The following PHLDB2 variants were observed in gnomAD, a reference collection of about 807,000 sequenced individuals.
PHLDB2 encodes the protein pleckstrin homology-like domain family B member 2.
Under a neutral mutation model 123.6 loss-of-function variants are expected in PHLDB2, and 71 were observed. That is an observed-to-expected ratio of 0.57 (90% CI 0.47 to 0.70). PHLDB2 has a LOEUF of 0.70. Ranked by LOEUF, PHLDB2 falls within the 30% of genes least tolerant of loss-of-function variation. The pLI is 0.00. For synonymous variants in PHLDB2, 547 were observed against 541.6 expected (o/e 1.01, Z -0.14); for missense variants, 1,446 against 1,519.5 (o/e 0.95, Z 0.80).
intron 1 of PHLDB2, among the ~76,000 whole-genome samples, chr3:111,876,815 G>A (rs2065648947): frequency 6.6e-6 from 1 of 152,104 alleles, no homozygotes; most frequent in Non-Finnish European, 1.5e-5. Context: ...GTGAGAACAT[G>A]CCGTGTTTGG....
At chr3:111,790,740 C>A (rs539875957) in intron 1 of PHLDB2, among the ~76,000 whole-genome samples, 1 of 152,278 alleles carries the variant, frequency 6.6e-6, no homozygotes, top group East Asian at 1.9e-4. Flanking sequence ...CCAACCTAAA[C>A]AGTGTTCTGG....
intron 2 of PHLDB2, among the ~76,000 whole-genome samples, chr3:111,847,037 G>A (rs1422828336): frequency 1.3e-5 from 2 of 152,152 alleles, no homozygotes; most frequent in Non-Finnish European, 2.9e-5. Flanking sequence ...GCAGTTTACT[G>A]TGACTGGAAT....
intron 9 of PHLDB2, among the ~76,000 whole-genome samples, chr3:111,948,449 T>C (rs1270070979): frequency 1.3e-5 from 2 of 152,234 alleles, no homozygotes; most frequent in East Asian, 3.8e-4. Context: ...CTCAGCCCAT[T>C]TTCCTCACAC....
chr3:111,831,029 GAAA>G (rs1559855362), intron 1 of PHLDB2, among the ~76,000 whole-genome samples: 55 of 81,912 alleles, frequency 6.7e-4, no homozygotes, highest in African/African-American at 2.7e-3. Flanking sequence ...AAGAAAGAAA[GAAA>G]GGAAGGAAGG....
chr3:111,786,979 C>CA lies in PHLDB2; in HGVS notation c.-49+54285dup, dbSNP rs951670727. ...CAAGGTTCACACATTTGTCATTCAT[C>CA]AAAAAAAAAGTTTAAGAACTTATTT... On this transcript the variant is annotated intron_variant, in intron 1 of 17. Coordinates refer to the PHLDB2 transcript ENST00000393923. Among the ~76,000 whole-genome samples the CA allele has an allele frequency of 4.3e-3, 655 of 150,996 alleles. 1 individual carries two copies. Among genetic ancestry groups the CA allele is most frequent in the African/African-American group, 0.015 (618 of 41,226 alleles).
chr3:111,973,668 A>G (rs181243270), intron 16 of PHLDB2, 64 bp from the exon 17 acceptor site: 3 of 881,936 alleles, frequency 3.4e-6, no homozygotes, highest in Non-Finnish European at 5.4e-6. Flanking sequence ...TAATTGTAAT[A>G]AAATTATTAT....
chr3:111,869,283 G>T (rs983855483), intron 1 of PHLDB2, among the ~76,000 whole-genome samples: 1 of 151,802 alleles, frequency 6.6e-6, no homozygotes, highest in Non-Finnish European at 1.5e-5. Context: ...CTTTCATATT[G>T]TGCTCCACTC....
At chr3:111,761,481 C>A (rs2059993313) in intron 1 of PHLDB2, among the ~76,000 whole-genome samples, 1 of 152,196 alleles carries the variant, frequency 6.6e-6, no homozygotes, top group African/African-American at 2.4e-5. Context: ...TGAACAAATC[C>A]TTCATCCTAA....
At chr3:111,921,803 C>G (rs1302549448) in intron 5 of PHLDB2, among the ~76,000 whole-genome samples, 14 of 152,106 alleles carry the variant, frequency 9.2e-5, no homozygotes, top group African/African-American at 3.4e-4. Context: ...GGGGTTTCAC[C>G]ATGTTAGCCA....
intron 1 of PHLDB2, among the ~76,000 whole-genome samples, chr3:111,875,478 G>C (rs2065566645): frequency 6.6e-6 from 1 of 151,500 alleles, no homozygotes. Context: ...TTTTGGAAAA[G>C]TTAATATCTG....
chr3:111,805,453 C>T (rs1256510022), intron 1 of PHLDB2, among the ~76,000 whole-genome samples: 2 of 150,602 alleles, frequency 1.3e-5, no homozygotes, highest in Non-Finnish European at 2.9e-5. Flanking sequence ...CCCAGCTACT[C>T]GGGAGGCTGA....
intron 1 of PHLDB2, among the ~76,000 whole-genome samples, chr3:111,738,534 A>G (rs1364627078): frequency 6.6e-6 from 1 of 152,196 alleles, no homozygotes; most frequent in East Asian, 1.9e-4. Flanking sequence ...GGATTAAATA[A>G]TCTTGCCACT....
intron 2 of PHLDB2, among the ~76,000 whole-genome samples, chr3:111,901,443 G>T (rs1356053097): frequency 3.3e-5 from 5 of 151,302 alleles, no homozygotes; most frequent in Non-Finnish European, 7.4e-5. Flanking sequence ...CAGTTGTTAT[G>T]TTATAGTCTA....
intron 1 of PHLDB2, among the ~76,000 whole-genome samples, chr3:111,807,130 T>C (rs2061623934): frequency 6.6e-6 from 1 of 151,836 alleles, no homozygotes; most frequent in African/African-American, 2.4e-5. Context: ...GGGATCAGAA[T>C]GGCTATTTCT....
intron 1 of PHLDB2, among the ~76,000 whole-genome samples, chr3:111,834,320 T>C (rs1179398428): frequency 2.1e-5 from 3 of 139,894 alleles, no homozygotes; most frequent in Non-Finnish European, 4.6e-5. Context: ...TTCTATTATA[T>C]ATATAATGGC....
rs779210723 is a variant in PHLDB2 at position 111,874,119 on chromosome 3, C to CAA, written c.-14-9945_-14-9944insAA. 7.4e-3 allele frequency among the ~76,000 whole-genome samples: 1,119 copies of CAA among 152,204 alleles called. 8 individuals are homozygous for CAA. The highest frequency in any genetic ancestry group is 0.014 in the Middle Eastern group (4 of 294). On this transcript the variant is annotated intron_variant, in intron 1 of 17. Transcript: ENST00000431670. ...TTGGAAGTTTGTTTACATCCTTTAA[C>CAA]TCACAGAATTTTAGGTGTGCAAGTG...
At chr3:111,751,261 G>T (rs12496925) in intron 1 of PHLDB2, among the ~76,000 whole-genome samples, 75,799 of 151,632 alleles carry the variant, frequency 0.5, 19,551 homozygotes, top group African/African-American at 0.62. Context: ...TTGCGCAGGA[G>T]CCAGGGCCAA....
In PHLDB2 at chr3:111,732,646, C is replaced by A. The variant is rs1343124083; in HGVS notation, c.-106C>A. 3.3e-6 allele frequency: 5 copies of A among 1,535,740 alleles called. No homozygotes were observed. In the African/African-American group the frequency reaches 4.1e-5, roughly 13 times the overall value. On this transcript the variant is annotated 5_prime_UTR_variant, in exon 1 of 18. Transcript: ENST00000393923. ...ATCGCTGGAACAGCCATGGGCCATCCCTGCTGAGTCAGGAAAGAAGCTGAG... is the reference window on the plus strand; with the variant it reads ...ATCGCTGGAACAGCCATGGGCCATCACTGCTGAGTCAGGAAAGAAGCTGAG...
chr3:111,885,348 A>C lies in PHLDB2; in HGVS notation c.1271A>C (p.Asp424Ala). The change falls in exon 2 of 18, where the codon GAC becomes GCC. Residue 424 changes from aspartate (D) to alanine (A), a missense_variant. By Grantham distance (126) the Asp-to-Ala change is moderately radical. Around this residue, in one of 3 missense-constraint regions of PHLDB2, gnomAD observed 832 missense variants for 831.9 expected, o/e 1.00. Transcript: ENST00000431670. ...ATTAGCTCCATTTCAGGACGTGATG[A>C]CCTGATGGATTATCACCGGCGGCAG... Reference protein sequence around the residue: ...SSISSISGRDDLMDYHRRQRE... With the variant: ...SSISSISGRDALMDYHRRQRE... 6.2e-7 allele frequency: 1 copy of C among 1,614,128 alleles called. No individual in the cohort carries two copies. Among genetic ancestry groups the C allele is most frequent in the Non-Finnish European group, 8.5e-7 (1 of 1,180,006 alleles).
Sources: gnomAD v4.1 joint callset for allele counts (sites outside exome capture counted in the v4.1 genomes callset) on GRCh38, gnomAD v4.1.1 for gene constraint, gnomAD v4.1.1 regional missense constraint, MANE v1.5 for transcripts, NCBI Gene and HGNC (gene_info 2026-07-23, HGNC 2026-07-21) for gene names.